Variants in NDUFA10 observed in about 807,000 individuals in gnomAD.
The protein encoded by NDUFA10 is NADH:ubiquinone oxidoreductase subunit A10.
NDUFA10 carries 40 observed loss-of-function variants against 47.8 expected under a neutral mutation model. The observed-to-expected ratio is 0.84, with a 90% confidence interval of 0.65 to 1.09. NDUFA10 has a LOEUF of 1.09. NDUFA10 is among the 50% of genes least tolerant of loss of function. The pLI is 0.00. For missense variants in NDUFA10, 413 were observed against 451.1 expected (o/e 0.92, Z 0.76); for synonymous variants, 183 against 172.2 (o/e 1.06, Z -0.49).
intron 9 of NDUFA10, among the ~76,000 whole-genome samples, chr2:239,970,724 C>A (rs975948417): frequency 1.3e-5 from 2 of 152,138 alleles, no homozygotes; most frequent in South Asian, 2.1e-4. Flanking sequence ...TTAGAGTTGC[C>A]CGTGGTGAAA....
chr2:239,924,669 C>T (rs1694040688), intron 4 of NDUFA10, among the ~76,000 whole-genome samples: 1 of 152,038 alleles, frequency 6.6e-6, no homozygotes, highest in Admixed American at 6.5e-5. Flanking sequence ...TCTACTATTA[C>T]CACTCCTATT....
chr2:239,913,359 C>T (rs370363647), intron 4 of NDUFA10, among the ~76,000 whole-genome samples: 3 of 152,242 alleles, frequency 2.0e-5, no homozygotes, highest in Non-Finnish European at 2.9e-5. Context: ...GCTCGTTGCT[C>T]GGCCCACGCA....
intron 3 of NDUFA10, among the ~76,000 whole-genome samples, chr2:240,019,537 G>GTAAGCCTGGAT (rs373851974): frequency 1.0e-5 from 1 of 99,574 alleles, no homozygotes. Flanking sequence ...AGAACGTGGA[G>GTAAGCCTGGAT]GCCGGGCGCG....
chr2:239,934,398 C>A (rs1353372028), intron 4 of NDUFA10, among the ~76,000 whole-genome samples: 1 of 144,908 alleles, frequency 6.9e-6, no homozygotes, highest in Non-Finnish European at 1.5e-5. Context: ...GAACCACGAA[C>A]CAAATCTCAC....
chr2:240,005,618 A>T (rs1353790003), intron 7 of NDUFA10, among the ~76,000 whole-genome samples: 1 of 152,164 alleles, frequency 6.6e-6, no homozygotes, highest in Non-Finnish European at 1.5e-5. Flanking sequence ...CAGCCTCCCA[A>T]AGTGCTGGGA....
At position 239,944,617 on chromosome 2, in the gene NDUFA10, C is replaced by T. The variant is rs113454839; in HGVS notation, c.294+45457G>A. 1.0e-2 allele frequency among the ~76,000 whole-genome samples: 1,522 copies of T among 152,324 alleles called. 14 individuals carry two copies. The highest frequency in any genetic ancestry group is 0.017 in the Middle Eastern group (5 of 294). ...TGGCAGCGCGGATCAAGAAAAATGA[C>T]TCAGAACCGACAAAAACTCCAGGTC... On this transcript the variant is annotated intron_variant, in intron 4 of 5. Coordinates refer to the NDUFA10 transcript ENST00000419408.
intron 4 of NDUFA10, among the ~76,000 whole-genome samples, chr2:239,921,829 C>T (rs531614008): frequency 1.2e-4 from 18 of 152,156 alleles, no homozygotes; most frequent in Admixed American, 2.6e-4. Context: ...AGGGTGGGGA[C>T]GGGACACTGC....
chr2:240,015,052 C>T (rs1035442670), intron 4 of NDUFA10, among the ~76,000 whole-genome samples, 192 bp from the exon 5 acceptor site: 14 of 152,238 alleles, frequency 9.2e-5, no homozygotes, highest in African/African-American at 3.4e-4. Context: ...CCAGGTGCCA[C>T]GGGGCATGTG....
chr2:240,012,025 A>G, intron 5 of NDUFA10: 1 of 352,572 alleles, frequency 2.8e-6, no homozygotes, highest in Non-Finnish European at 5.5e-6. Context: ...GAGTGCAGGA[A>G]TGAAAGAGCA....
intron 4 of NDUFA10, among the ~76,000 whole-genome samples, chr2:239,916,089 T>C (rs1044229087): frequency 8.6e-5 from 11 of 127,520 alleles, no homozygotes; most frequent in Non-Finnish European, 1.5e-4. Context: ...AAGATACAGA[T>C]ACACACAGAG....
At chr2:240,017,660 C>A (rs907383418) in intron 4 of NDUFA10, among the ~76,000 whole-genome samples, 44 of 152,300 alleles carry the variant, frequency 2.9e-4, no homozygotes, top group Middle Eastern at 3.4e-3. Context: ...TGCTGGTGAC[C>A]TGACCCGCTG....
chr2:239,991,968 T>A (rs1447294558), intron 8 of NDUFA10, among the ~76,000 whole-genome samples: 1 of 152,210 alleles, frequency 6.6e-6, no homozygotes, highest in African/African-American at 2.4e-5. Flanking sequence ...CTTCAAACTA[T>A]TTTTGAAGAT....
chr2:239,895,907 C>G (rs72993908), intron 4 of NDUFA10, among the ~76,000 whole-genome samples: 3,648 of 152,318 alleles, frequency 0.024, 44 homozygotes, highest in Middle Eastern at 0.034. Flanking sequence ...GGAACTGTGG[C>G]TTTTCCCGTC....
chr2:239,922,412 G>C (rs921455649), intron 4 of NDUFA10, among the ~76,000 whole-genome samples: 5 of 152,200 alleles, frequency 3.3e-5, no homozygotes, highest in African/African-American at 1.2e-4. Flanking sequence ...AGGGACCCCA[G>C]GACAGAGAGG....
Position 239,928,583 on chromosome 2 carries a change from G to C in NDUFA10, c.295-33269C>G, listed in dbSNP as rs922833501. On this transcript the variant is annotated intron_variant, in intron 4 of 5. Coordinates refer to the NDUFA10 transcript ENST00000419408. The surrounding 1 kb of genome is among the most constrained non-coding windows in gnomAD (Gnocchi z 4.3). ...CCTGGAGCTGTGACAGCGACATCTCGTTTCCAACTATGCTCTCCCCACAGG... is the reference window on the plus strand; with the variant it reads ...CCTGGAGCTGTGACAGCGACATCTCCTTTCCAACTATGCTCTCCCCACAGG... Among the ~76,000 whole-genome samples the C allele has an allele frequency of 2.0e-5, 3 of 152,076 alleles. No homozygotes were observed. The highest frequency in any genetic ancestry group is 4.4e-5 in the Non-Finnish European group (3 of 68,026).
Position 240,006,289 on chromosome 2 carries a change from A to C in NDUFA10, c.805-994T>G, listed in dbSNP as rs77939376. Among the ~76,000 whole-genome samples, 658 of 152,364 alleles carry C rather than the reference A, an allele frequency of 4.3e-3. 13 individuals are homozygous for C. Among genetic ancestry groups the C allele is most frequent in the East Asian group, 0.043 (222 of 5,192 alleles). ...CGGAGGAGAAAATGAAATGTAATTT[A>C]ATCAGTCTGAGTAGAATAAACCAAG... is the stretch of plus-strand genomic sequence containing the variant. On this transcript the variant is annotated intron_variant, in intron 7 of 9. Transcript: ENST00000252711.
chr2:239,980,195 G>A (rs1372074707), intron 9 of NDUFA10, among the ~76,000 whole-genome samples: 4 of 152,228 alleles, frequency 2.6e-5, no homozygotes, highest in Admixed American at 2.0e-4. Context: ...ACTCTCGGGT[G>A]TGGCCCCAAT....
At chr2:240,020,372 C>T (rs1697570694) in intron 3 of NDUFA10, among the ~76,000 whole-genome samples, 1 of 152,220 alleles carries the variant, frequency 6.6e-6, no homozygotes, top group Non-Finnish European at 1.5e-5. Flanking sequence ...ACAGATGTGC[C>T]ATTTGCTGCT....
rs2106390666 is a variant in NDUFA10 at position 239,959,210 on chromosome 2, T to C, written c.*1908A>G. ...CAGGGTCAGACGCAAACACAGGGGA[T>C]GATCAGAGCACCCGAGTCCACACCA... On this transcript the variant is annotated 3_prime_UTR_variant, in exon 10 of 10. Transcript: ENST00000252711. The C allele has an allele frequency of 1.4e-6, 1 of 709,158 alleles. No homozygotes were observed. The highest frequency in any genetic ancestry group is 7.3e-5 in the South Asian group (1 of 13,628). The allele number at this position is 709,158 out of a possible 1,614,324, so 43.9% of individuals were successfully genotyped here. A position where few individuals can be genotyped will look rare whatever the true frequency, so the allele number is the denominator to read the frequency against.
Sources: gnomAD v4.1 joint callset for allele counts (sites outside exome capture counted in the v4.1 genomes callset) on GRCh38, gnomAD v4.1.1 for gene constraint, Gnocchi (gnomAD v3.1) non-coding constraint, MANE v1.5 for transcripts, NCBI Gene and HGNC (gene_info 2026-07-23, HGNC 2026-07-21) for gene names.